HACD2: variants seen among roughly 807,000 people sequenced by gnomAD.
HACD2 encodes very-long-chain (3R)-3-hydroxyacyl-CoA dehydratase 2.
HACD2 carries 15 observed loss-of-function variants against 31.0 expected under a neutral mutation model. That is an observed-to-expected ratio of 0.48 (90% CI 0.32 to 0.75). HACD2 has a LOEUF of 0.75. Ranked by LOEUF, HACD2 falls within the 30% of genes least tolerant of loss-of-function variation. The pLI is 0.03. For missense variants in HACD2, 283 were observed against 313.0 expected, an observed-to-expected ratio of 0.90 and a Z score of 0.72; for synonymous variants, 115 against 122.2, an observed-to-expected ratio of 0.94 and a Z score of 0.39.
intron 3 of HACD2, among the ~76,000 whole-genome samples, chr3:123,530,320 T>C (rs967395398): frequency 6.6e-6 from 1 of 151,882 alleles, no homozygotes; most frequent in African/African-American, 2.4e-5. Context: ...CGCCATCATA[T>C]CTCTCACTGC....
At chr3:123,500,483 A>G in intron 6 of HACD2, 32 bp downstream of exon 6, 1 of 1,442,544 alleles carries the variant, frequency 6.9e-7, no homozygotes, top group Admixed American at 2.1e-5. Flanking sequence ...ATTTTAAAAC[A>G]TAATTAAATA....
intron 3 of HACD2, among the ~76,000 whole-genome samples, chr3:123,542,280 A>G (rs1356963479): frequency 6.6e-6 from 1 of 152,098 alleles, no homozygotes; most frequent in African/African-American, 2.4e-5. Context: ...ATAAACAAAT[A>G]TATGGAATTA....
At chr3:123,537,578 T>TAA (rs2056441334) in intron 3 of HACD2, among the ~76,000 whole-genome samples, 1 of 144,308 alleles carries the variant, frequency 6.9e-6, no homozygotes, top group South Asian at 2.2e-4. Context: ...CAACAACAAA[T>TAA]ACACATACAC....
chr3:123,581,367 G>C (rs2056965261), intron 2 of HACD2, among the ~76,000 whole-genome samples: 1 of 152,142 alleles, frequency 6.6e-6, no homozygotes, highest in Non-Finnish European at 1.5e-5. Flanking sequence ...AGAAGAATGG[G>C]CATGTGTCCT....
At chr3:123,525,727 A>G (rs1428633443) in intron 4 of HACD2, among the ~76,000 whole-genome samples, 2 of 152,242 alleles carry the variant, frequency 1.3e-5, no homozygotes, top group African/African-American at 4.8e-5. Flanking sequence ...GGAATATGAT[A>G]TAAAAAGAAA....
chr3:123,509,601 C>A (rs2056026478), intron 4 of HACD2, among the ~76,000 whole-genome samples: 1 of 151,346 alleles, frequency 6.6e-6, no homozygotes, highest in African/African-American at 2.4e-5. Flanking sequence ...CGGGTTCACG[C>A]CATTCTCCTG....
chr3:123,501,902 A>G (rs891959383), intron 5 of HACD2, among the ~76,000 whole-genome samples: 1 of 152,176 alleles, frequency 6.6e-6, no homozygotes, highest in Non-Finnish European at 1.5e-5. Context: ...CTTCCACCAA[A>G]TAAGGCATTT....
At chr3:123,576,564 G>T (rs1403292944) in intron 2 of HACD2, among the ~76,000 whole-genome samples, 1 of 152,156 alleles carries the variant, frequency 6.6e-6, no homozygotes, top group Non-Finnish European at 1.5e-5. Flanking sequence ...GCCTCTTTTA[G>T]AGATGTGTTT....
intron 3 of HACD2, among the ~76,000 whole-genome samples, chr3:123,556,931 A>C (rs2056678912): frequency 6.6e-6 from 1 of 152,270 alleles, no homozygotes; most frequent in African/African-American, 2.4e-5. Context: ...GAAGTCCAAC[A>C]AACTGGCAAA....
intron 3 of HACD2, among the ~76,000 whole-genome samples, chr3:123,547,233 T>C (rs1471818): frequency 0.32 from 47,995 of 152,012 alleles, 8,226 homozygotes; most frequent in African/African-American, 0.46. Flanking sequence ...CCACACAGAT[T>C]ATTTTAAGGA....
At chr3:123,528,253 G>C (rs1404212608) in intron 4 of HACD2, 133 bp downstream of exon 4, 1 of 638,734 alleles carries the variant, frequency 1.6e-6, no homozygotes, top group Admixed American at 2.6e-5. Flanking sequence ...GTGAATGTGA[G>C]CTTTATCTCA....
At chr3:123,567,672 AT>A in intron 3 of HACD2, 89 bp downstream of exon 3, 2 of 848,918 alleles carry the variant, frequency 2.4e-6, no homozygotes. Flanking sequence ...TTTTTTCAAT[AT>A]TTAACAGAAA....
intron 5 of HACD2, among the ~76,000 whole-genome samples, 180 bp downstream of exon 5, chr3:123,502,380 G>A (rs2055912999): frequency 6.6e-6 from 1 of 152,130 alleles, no homozygotes; most frequent in South Asian, 2.1e-4. Context: ...CCTTAAAACA[G>A]TATTTCCGTT....
At chr3:123,555,186 C>A (rs994828795) in intron 3 of HACD2, among the ~76,000 whole-genome samples, 50 of 152,222 alleles carry the variant, frequency 3.3e-4, no homozygotes, top group African/African-American at 1.1e-3. Flanking sequence ...ATAATTTTAT[C>A]TTATTGAGTA....
At chr3:123,529,756 A>G (rs2056329009) in intron 3 of HACD2, among the ~76,000 whole-genome samples, 1 of 152,144 alleles carries the variant, frequency 6.6e-6, no homozygotes. Context: ...AAATAAATAC[A>G]TAAATAAATG....
rs546589918 is a variant in HACD2 at position 123,582,208 on chromosome 3, C to A, written c.273+4G>T. The A allele has an allele frequency of 1.4e-5, 21 of 1,543,766 alleles. No individual in the cohort carries two copies. The South Asian group carries it at 2.5e-4, about 18-fold the overall frequency. ...CAATAACAACAATAAATCTCAGGAC[C>A]TACCTCCAATAAGGCTCCAGTTTGA... On this transcript the variant is annotated splice_donor_region_variant and intron_variant, in intron 2 of 6. Transcript: ENST00000383657.
chr3:123,528,166 T>C (rs746123944), intron 4 of HACD2, among the ~76,000 whole-genome samples: 55 of 152,298 alleles, frequency 3.6e-4, no homozygotes, highest in Admixed American at 6.5e-4. Flanking sequence ...TTACAGGACT[T>C]TACCATTTAA....
chr3:123,582,990 CAAT>C (rs1426876218), intron 1 of HACD2, among the ~76,000 whole-genome samples: 1 of 152,046 alleles, frequency 6.6e-6, no homozygotes, highest in African/African-American at 2.4e-5. Flanking sequence ...AAAATAAACA[CAAT>C]GTTTTGTTAA....
chr3:123,572,714 T>C (rs751246543), intron 2 of HACD2, among the ~76,000 whole-genome samples: 2 of 146,128 alleles, frequency 1.4e-5, no homozygotes, highest in Non-Finnish European at 3.0e-5. Flanking sequence ...AACAATTCTG[T>C]TCAATTTCAT....
Sources: allele counts gnomAD v4.1 joint callset (sites outside exome capture counted in the v4.1 genomes callset), GRCh38; gene constraint gnomAD v4.1.1; transcripts MANE v1.5; gene names NCBI Gene and HGNC (gene_info 2026-07-23, HGNC 2026-07-21).